Variants in CDK19 observed in about 807,000 individuals in gnomAD.
CDK19 encodes cyclin-dependent kinase 19.
Under a neutral mutation model 68.3 loss-of-function variants are expected in CDK19, and 20 were observed. That is an observed-to-expected ratio of 0.29 (90% CI 0.21 to 0.43). CDK19 has a LOEUF of 0.43. Among genes scored for constraint, CDK19 ranks in the 20% least tolerant of loss-of-function variants. The pLI, the probability that CDK19 is intolerant of heterozygous loss-of-function variation, is 1.00. For missense variants in CDK19, 339 were observed against 623.5 expected, an observed-to-expected ratio of 0.54 and a Z score of 4.86; for synonymous variants, 221 against 222.8, an observed-to-expected ratio of 0.99 and a Z score of 0.07.
chr6:110,803,974 A>G (rs1782501431), intron 1 of CDK19, among the ~76,000 whole-genome samples: 1 of 152,192 alleles, frequency 6.6e-6, no homozygotes, highest in Non-Finnish European at 1.5e-5. Context: ...TCAAGAAAAG[A>G]AAGAGAAGAA....
At position 110,612,721 on chromosome 6, in the gene CDK19, G is replaced by A. The variant is rs554211850; in HGVS notation, c.*1814C>T. 6.6e-6 allele frequency: 1 copy of A among 152,600 alleles called. No individual in the cohort carries two copies. The highest frequency in any genetic ancestry group is 2.1e-4 in the South Asian group (1 of 4,828). 9.5% of individuals were successfully genotyped at this position (152,600 alleles called of 1,614,324 possible). A position where few individuals can be genotyped will look rare whatever the true frequency, so the allele number is the denominator to read the frequency against. On this transcript the variant is annotated 3_prime_UTR_variant, in exon 13 of 13. Coordinates refer to ENST00000368911, the MANE Select transcript of CDK19 (RefSeq NM_015076.5). ...TGCTAATTTCTTATTTTAAAAAATG[G>A]AAGGGGTAAAACAGCAGGAGACTAT...
chr6:110,656,216 G>A lies in CDK19; in HGVS notation c.456+11218C>T, dbSNP rs180922890. On this transcript the variant is annotated intron_variant, in intron 4 of 12. Coordinates refer to ENST00000368911, the MANE Select transcript of CDK19 (RefSeq NM_015076.5). ...CCCCACCATGTACTCGTTGGGGGAA[G>A]GGATCGTATTCATTAACTCTGTATT... Among the ~76,000 whole-genome samples the A allele has an allele frequency of 2.4e-3, 373 of 152,300 alleles. 5 individuals carry two copies. Among genetic ancestry groups the A allele is most frequent in the Admixed American group, 0.022 (330 of 15,294 alleles).
intron 1 of CDK19, chr6:110,814,476 C>T: frequency 2.6e-6 from 1 of 383,618 alleles, no homozygotes; most frequent in Non-Finnish European, 5.1e-6. Context: ...GAGATCGCTG[C>T]TGGGGGCGGC....
chr6:110,747,819 C>CT (rs1778185304), intron 1 of CDK19, among the ~76,000 whole-genome samples: 1 of 152,092 alleles, frequency 6.6e-6, no homozygotes. Flanking sequence ...TAAAACCAGA[C>CT]TTTTTCAGAC....
chr6:110,725,043 A>C (rs1202345847), intron 2 of CDK19, among the ~76,000 whole-genome samples: 5 of 152,342 alleles, frequency 3.3e-5, no homozygotes, highest in Middle Eastern at 3.4e-3. Context: ...GTACAGAATT[A>C]TTATTGTATG....
intron 2 of CDK19, among the ~76,000 whole-genome samples, chr6:110,725,244 T>C (rs1457801784): frequency 6.6e-6 from 1 of 152,210 alleles, no homozygotes. Context: ...ATGGAATAGA[T>C]AATGCTTTTG....
Position 110,801,223 on chromosome 6 carries a change from C to G in CDK19, c.128+13786G>C, listed in dbSNP as rs372534506. The stretch of plus-strand genomic sequence containing the variant: ...GGCTGGGGGAAGGAGCTGGCTCACA[C>G]CTGTAATCAGCAGCACTTTGGGAGG... On this transcript the variant is annotated intron_variant, in intron 1 of 12. Coordinates refer to ENST00000368911, the MANE Select transcript of CDK19 (RefSeq NM_015076.5). 1.8e-4 allele frequency among the ~76,000 whole-genome samples: 28 copies of G among 152,212 alleles called. No homozygotes were observed. The South Asian group carries it at 5.6e-3, about 30-fold the overall frequency.
intron 1 of CDK19, among the ~76,000 whole-genome samples, chr6:110,804,522 G>C (rs1036382836): frequency 4.6e-5 from 7 of 151,064 alleles, no homozygotes; most frequent in African/African-American, 1.7e-4. Context: ...GCTAATTTTT[G>C]TATTTTTTAG....
chr6:110,760,033 C>T (rs958249475), intron 1 of CDK19, among the ~76,000 whole-genome samples: 3 of 152,286 alleles, frequency 2.0e-5, no homozygotes, highest in Admixed American at 6.5e-5. Context: ...CAATACAACA[C>T]ATTTACAATA....
chr6:110,622,751 C>G, intron 10 of CDK19, 64 bp downstream of exon 10: 1 of 1,038,364 alleles, frequency 9.6e-7, no homozygotes, highest in Non-Finnish European at 1.5e-6. Flanking sequence ...GCTTCCCTTG[C>G]TTTCAACCAC....
chr6:110,722,944 T>C (rs1776017219), intron 2 of CDK19, among the ~76,000 whole-genome samples: 1 of 152,026 alleles, frequency 6.6e-6, no homozygotes, highest in Admixed American at 6.6e-5. Flanking sequence ...CAGTGGCAAC[T>C]ATTTAACTAT....
intron 1 of CDK19, among the ~76,000 whole-genome samples, chr6:110,762,144 GAGA>G (rs1185707553): frequency 2.6e-5 from 4 of 152,146 alleles, no homozygotes; most frequent in African/African-American, 4.8e-5. Context: ...CAGAAAAATG[GAGA>G]AGAAGGATCC....
intron 1 of CDK19, among the ~76,000 whole-genome samples, chr6:110,787,377 C>A (rs79302022): frequency 8.2e-5 from 9 of 109,250 alleles, no homozygotes; most frequent in East Asian, 5.4e-4. Flanking sequence ...CTGTCTAAAA[C>A]AAACAAACAA....
At chr6:110,746,070 T>C in intron 2 of CDK19, 56 bp downstream of exon 2, 1 of 858,288 alleles carries the variant, frequency 1.2e-6, no homozygotes, top group Non-Finnish European at 1.8e-6. Flanking sequence ...TATATTAAAA[T>C]AAATCATCAC....
chr6:110,784,874 ATATAG>A lies in CDK19; in HGVS notation c.128+30130_128+30134del, dbSNP rs141565612. Among the ~76,000 whole-genome samples the A allele has an allele frequency of 2.6e-3, 390 of 152,268 alleles. 1 individual carries two copies. The highest frequency in any genetic ancestry group is 9.0e-3 in the African/African-American group (374 of 41,552). On this transcript the variant is annotated intron_variant, in intron 1 of 12. Coordinates refer to ENST00000368911, the MANE Select transcript of CDK19 (RefSeq NM_015076.5). ...AAAGCAGCAAGACACACAATAACAT[ATATAG>A]TATGATTTCATTTTTACATATGTCC...
intron 2 of CDK19, among the ~76,000 whole-genome samples, chr6:110,682,110 C>T (rs1415108289): frequency 1.3e-5 from 2 of 152,198 alleles, no homozygotes; most frequent in Non-Finnish European, 2.9e-5. Flanking sequence ...GTCCCTGACT[C>T]CTTTTTCAAG....
chr6:110,675,759 C>G (rs568077586), intron 2 of CDK19, among the ~76,000 whole-genome samples: 1 of 152,110 alleles, frequency 6.6e-6, no homozygotes, highest in East Asian at 1.9e-4. Flanking sequence ...GCCCACTATT[C>G]GGACTGACTA....
chr6:110,811,403 G>A (rs993974099), intron 1 of CDK19, among the ~76,000 whole-genome samples: 1 of 152,120 alleles, frequency 6.6e-6, no homozygotes, highest in Non-Finnish European at 1.5e-5. Context: ...AGCCATGCAA[G>A]GCACCACGCT....
intron 4 of CDK19, among the ~76,000 whole-genome samples, chr6:110,641,745 G>A (rs1046738286): frequency 3.3e-5 from 5 of 152,002 alleles, no homozygotes; most frequent in African/African-American, 1.2e-4. Flanking sequence ...AAATTGCATG[G>A]AATGAATGAT....
Sources: gnomAD v4.1 joint callset for allele counts (sites outside exome capture counted in the v4.1 genomes callset) on GRCh38, gnomAD v4.1.1 for gene constraint, MANE v1.5 for transcripts, NCBI Gene and HGNC (gene_info 2026-07-23, HGNC 2026-07-21) for gene names.